The following COLEC10 variants were observed in gnomAD, a reference collection of about 807,000 sequenced individuals.
COLEC10 encodes the protein collectin-10.
COLEC10 carries 22 observed loss-of-function variants against 28.4 expected under a neutral mutation model. That is an observed-to-expected ratio of 0.78 (90% confidence interval 0.55 to 1.11). The LOEUF (loss-of-function observed/expected upper bound fraction) is 1.11, where lower values mean the gene tolerates loss of function less well. Among genes scored for constraint, COLEC10 ranks in the 50% least tolerant of loss-of-function variants. COLEC10 has a pLI of 0.00. For missense variants in COLEC10, 361 were observed against 344.1 expected, an observed-to-expected ratio of 1.05 and a Z score of -0.39; for synonymous variants, 125 against 116.1, an observed-to-expected ratio of 1.08 and a Z score of -0.49.
the COLEC10 span, among the ~76,000 whole-genome samples, chr8:118,968,574 CAT>C: frequency 2.2e-3 from 326 of 151,240 alleles, 1 homozygote; most frequent in Non-Finnish European, 2.0e-3. Flanking sequence ...TATATATATA[CAT>C]ATATATATGT....
At chr8:119,032,873 G>A (rs754429933) in intron 2 of COLEC10, among the ~76,000 whole-genome samples, 2 of 152,240 alleles carry the variant, frequency 1.3e-5, no homozygotes, top group African/African-American at 2.4e-5. Flanking sequence ...CTGCACCGGA[G>A]CCTGGGCGGC....
At position 119,067,335 on chromosome 8, in the gene COLEC10, A is replaced by C; in HGVS notation, c.54A>C (p.Leu18=). The C allele has an allele frequency of 6.2e-7, 1 of 1,613,986 alleles. No homozygotes were observed. The highest frequency in any genetic ancestry group is 1.3e-5 in the African/African-American group (1 of 75,016). The change falls in exon 1 of 6, where the codon CTA becomes CTC. Residue 18 remains leucine, a synonymous_variant. Transcript: ENST00000332843. The part of the protein sequence containing the change: ...LRRNQFILLV[L]FLLQIQSLGL... ...GAAACCAATTTATCCTCCTGGTACT[A>C]TTTCTTTTGCAAATTCAGAGTCTGG...
At chr8:119,073,384 C>T (rs1185006670) in intron 1 of COLEC10, among the ~76,000 whole-genome samples, 1 of 126,754 alleles carries the variant, frequency 7.9e-6, no homozygotes, top group Non-Finnish European at 1.9e-5. Context: ...TATTCTAGCT[C>T]AGTCACCTTG....
chr8:119,001,741 CTAAAAG>C (rs1360194771), intron 1 of COLEC10, among the ~76,000 whole-genome samples: 1 of 151,898 alleles, frequency 6.6e-6, no homozygotes, highest in Non-Finnish European at 1.5e-5. Flanking sequence ...CCCAGTAATT[CTAAAAG>C]TAAAAGTTAG....
At chr8:118,953,778 C>T in the COLEC10 span, among the ~76,000 whole-genome samples, 1 of 152,270 alleles carries the variant, frequency 6.6e-6, no homozygotes, top group South Asian at 2.1e-4. Context: ...AGGGGAATAC[C>T]TAAGATACTG....
chr8:119,084,651 GA>G (rs1815434232), intron 1 of COLEC10, among the ~76,000 whole-genome samples: 1 of 152,158 alleles, frequency 6.6e-6, no homozygotes, highest in Admixed American at 6.6e-5. Flanking sequence ...TAAAAAGCAA[GA>G]TTGATATAAT....
intron 2 of COLEC10, among the ~76,000 whole-genome samples, chr8:119,033,646 C>A (rs1001789791): frequency 4.6e-5 from 7 of 152,202 alleles, no homozygotes; most frequent in African/African-American, 1.7e-4. Flanking sequence ...AAAACCTCAT[C>A]ATCACTGGTC....
chr8:119,049,401 C>CTTTTTTTTTTTTTT (rs34885340), intron 2 of COLEC10, among the ~76,000 whole-genome samples: 2 of 60,080 alleles, frequency 3.3e-5, no homozygotes, highest in Non-Finnish European at 5.7e-5. Flanking sequence ...ATTTTCTTTT[C>CTTTTTTTTTTTTTT]TTTTTTTTTT....
intron 5 of COLEC10, 107 bp downstream of exon 5, chr8:119,104,002 G>A (rs1287773195): frequency 2.5e-6 from 2 of 806,396 alleles, no homozygotes; most frequent in African/African-American, 3.5e-5. Context: ...AAGGGCTATT[G>A]AGATAGTGTC....
intron 1 of COLEC10, chr8:118,995,648 G>A (rs1217118307): frequency 2.6e-5 from 4 of 152,126 alleles, no homozygotes; most frequent in Admixed American, 2.6e-4. Flanking sequence ...GTCTTAGCAG[G>A]AGGTTTCAGG....
At chr8:118,976,437 G>T in the COLEC10 span, 2 of 152,218 alleles carry the variant, frequency 1.3e-5, no homozygotes, top group African/African-American at 4.8e-5. Flanking sequence ...GACAGCCAGA[G>T]AAATTGTAAT....
At chr8:118,967,650 G>A in the COLEC10 span, among the ~76,000 whole-genome samples, 2 of 152,022 alleles carry the variant, frequency 1.3e-5, no homozygotes, top group Non-Finnish European at 2.9e-5. Context: ...GCTGCTCAGA[G>A]GCTCAGATTG....
the COLEC10 span, among the ~76,000 whole-genome samples, chr8:118,970,961 T>C: frequency 6.6e-6 from 1 of 152,008 alleles, no homozygotes; most frequent in Admixed American, 6.6e-5. Flanking sequence ...CCTGACTTTG[T>C]AATGGCCAAA....
At chr8:119,029,800 C>T (rs1202075597) in intron 2 of COLEC10, among the ~76,000 whole-genome samples, 1 of 152,144 alleles carries the variant, frequency 6.6e-6, no homozygotes, top group African/African-American at 2.4e-5. Context: ...AATGGTGTTT[C>T]TACTACTTTA....
chr8:118,990,935 A>C (rs1214840683), upstream of COLEC10, among the ~76,000 whole-genome samples: 1 of 152,020 alleles, frequency 6.6e-6, no homozygotes, highest in Non-Finnish European at 1.5e-5. Context: ...TGTCAATTCC[A>C]TATACTTAGT....
At chr8:119,091,071 T>C in intron 2 of COLEC10, 78 bp from the exon 3 acceptor site, 1 of 1,111,342 alleles carries the variant, frequency 9.0e-7, no homozygotes, top group Non-Finnish European at 1.4e-6. Flanking sequence ...GGTATTTCTT[T>C]CAAGTGAATA....
At chr8:119,024,777 G>T (rs1421043118) in intron 2 of COLEC10, among the ~76,000 whole-genome samples, 1 of 152,126 alleles carries the variant, frequency 6.6e-6, no homozygotes, top group Non-Finnish European at 1.5e-5. Flanking sequence ...GGCCTCAGGA[G>T]AAGTCATCTG....
At chr8:119,100,467 T>C (rs1162971546) in intron 3 of COLEC10, among the ~76,000 whole-genome samples, 1 of 152,192 alleles carries the variant, frequency 6.6e-6, no homozygotes, top group East Asian at 1.9e-4. Context: ...TTTTCCAACT[T>C]ACAGGTAAGA....
chr8:118,978,119 G>C, the COLEC10 span, among the ~76,000 whole-genome samples: 1 of 152,106 alleles, frequency 6.6e-6, no homozygotes, highest in Non-Finnish European at 1.5e-5. Context: ...TGACAGGATA[G>C]AGCCAAAGAT....
Sources: allele counts gnomAD v4.1 joint callset (sites outside exome capture counted in the v4.1 genomes callset), GRCh38; gene constraint gnomAD v4.1.1; transcripts MANE v1.5; gene names NCBI Gene and HGNC (gene_info 2026-07-23, HGNC 2026-07-21).